MASP2: variants seen among roughly 807,000 people sequenced by gnomAD.
MASP2 encodes the protein MBL associated serine protease 2, also known as mannan-binding lectin serine protease 2.
MASP2 carries 49 observed loss-of-function variants against 57.1 expected under a neutral mutation model. That is an observed-to-expected ratio of 0.86 (90% CI 0.68 to 1.09). MASP2 has a LOEUF of 1.09. MASP2 is among the 50% of genes least tolerant of loss of function. The probability of loss-of-function intolerance (pLI) is 0.00; values close to 1 mark genes in which losing one functional copy is unlikely to be tolerated. For synonymous variants in MASP2, 379 were observed against 340.8 expected, an observed-to-expected ratio of 1.11 and a Z score of -1.24; for missense variants, 900 against 874.8, an observed-to-expected ratio of 1.03 and a Z score of -0.36.
In MASP2 at chr1:11,026,811, C is replaced by T. The variant is rs906262594; in HGVS notation, c.*74G>A. On this transcript the variant is annotated 3_prime_UTR_variant, in exon 11 of 11. Coordinates refer to ENST00000400897, the MANE Select transcript of MASP2 (RefSeq NM_006610.4). ...ATGTCCACAGTAATGATGAATGCTT[C>T]TCGAGCCACGTCGCTGCCAAGGTCT... The T allele has an allele frequency of 3.8e-6, 5 of 1,320,882 alleles. No homozygotes were observed. The highest frequency in any genetic ancestry group is 5.1e-6 in the Non-Finnish European group (5 of 987,220). 81.8% of individuals were successfully genotyped at this position (1,320,882 alleles called of 1,614,324 possible). A position where few individuals can be genotyped will look rare whatever the true frequency, so the allele number is the denominator to read the frequency against.
intron 8 of MASP2, among the ~76,000 whole-genome samples, chr1:11,033,558 T>C (rs900956378): frequency 6.6e-6 from 1 of 151,490 alleles, no homozygotes; most frequent in Non-Finnish European, 1.5e-5. Flanking sequence ...GGCAGGAGAA[T>C]TGCTTGAACT....
At position 11,026,612 on chromosome 1, in the gene MASP2, G is replaced by A; in HGVS notation, c.*273C>T. 3.5e-6 allele frequency: 1 copy of A among 286,732 alleles called. No individual in the cohort carries two copies. Among genetic ancestry groups the A allele is most frequent in the Admixed American group, 5.2e-5 (1 of 19,410 alleles). The allele number at this position is 286,732 out of a possible 1,614,324, so 17.8% of individuals were successfully genotyped here. A position where few individuals can be genotyped will look rare whatever the true frequency, so the allele number is the denominator to read the frequency against. On this transcript the variant is annotated 3_prime_UTR_variant, in exon 11 of 11. Coordinates refer to ENST00000400897, the MANE Select transcript of MASP2 (RefSeq NM_006610.4). ...GTATGAAAAGAGACTGGCTTTTTAA[G>A]GTAATGAAATGTAATTTGAGCAGTG...
chr1:11,035,912 A>G (rs1252287475), intron 7 of MASP2, among the ~76,000 whole-genome samples: 1 of 145,720 alleles, frequency 6.9e-6, no homozygotes, highest in Non-Finnish European at 1.5e-5. Flanking sequence ...AAAAAAAAAA[A>G]AAAAGCCAGA....
In MASP2 at chr1:11,046,304, C is replaced by T. The variant is rs537199130; in HGVS notation, c.412+252G>A. The T allele has an allele frequency of 1.4e-4, 78 of 556,710 alleles. No individual in the cohort carries two copies. The East Asian group carries it at 2.1e-3, about 15-fold the overall frequency. 34.5% of individuals were successfully genotyped at this position (556,710 alleles called of 1,614,324 possible). ...CTGGAATTACAGGCGTGAGCTGCTG[C>T]GCCCGGCCAGTCCCTGCGTCACTTG... On this transcript the variant is annotated intron_variant, in intron 3 of 10. Coordinates refer to ENST00000400897, the MANE Select transcript of MASP2 (RefSeq NM_006610.4).
At chr1:11,035,608 C>T (rs973545321) in intron 7 of MASP2, among the ~76,000 whole-genome samples, 14 of 151,222 alleles carry the variant, frequency 9.3e-5, no homozygotes, top group African/African-American at 3.4e-4. Flanking sequence ...TATAAAGTGA[C>T]AGAGGACCAG....
intron 8 of MASP2, among the ~76,000 whole-genome samples, chr1:11,034,275 A>G (rs1643872988): frequency 6.6e-6 from 1 of 151,494 alleles, no homozygotes; most frequent in African/African-American, 2.4e-5. Flanking sequence ...TTGTCAAAGA[A>G]CATATTTTTC....
chr1:11,041,854 A>T, intron 6 of MASP2, among the ~76,000 whole-genome samples: 1 of 141,928 alleles, frequency 7.0e-6, no homozygotes, highest in African/African-American at 2.7e-5. Context: ...GGATGGGTTG[A>T]TAGAAGGATG....
rs183487544 is a variant in MASP2, at chr1:11,046,885, C to T, written c.234+6G>A. 1.2e-4 allele frequency: 182 copies of T among 1,561,844 alleles called. 1 individual carries two copies. Among genetic ancestry groups the T allele is most frequent in the East Asian group, 9.3e-4 (39 of 42,134 alleles). On this transcript the variant is annotated splice_donor_region_variant and intron_variant, in intron 2 of 10. Coordinates refer to ENST00000400897, the MANE Select transcript of MASP2 (RefSeq NM_006610.4). Reference sequence around the variant, plus strand: ...AGAAACCCCAGCCCTCCCGTCCTGACGGCACCTTGACGAAGTCGTACTCGC... The same window carrying T: ...AGAAACCCCAGCCCTCCCGTCCTGATGGCACCTTGACGAAGTCGTACTCGC...
intron 6 of MASP2, 118 bp downstream of exon 6, chr1:11,042,757 C>T: frequency 1.1e-5 from 13 of 1,188,078 alleles, no homozygotes; most frequent in Non-Finnish European, 1.3e-5. Flanking sequence ...CACCACTAAA[C>T]CTGGTGTCCC....
chr1:11,033,432 C>G (rs1643867197), intron 8 of MASP2, among the ~76,000 whole-genome samples: 1 of 152,006 alleles, frequency 6.6e-6, no homozygotes, highest in Non-Finnish European at 1.5e-5. Context: ...GTTGCCTGAG[C>G]TCAGGAGTTC....
chr1:11,046,972 T>G lies in MASP2; in HGVS notation c.153A>C (p.Ala51=), dbSNP rs772284806. The G allele has an allele frequency of 6.4e-7, 1 of 1,559,928 alleles. No homozygotes were observed. The highest frequency in any genetic ancestry group is 8.7e-7 in the Non-Finnish European group (1 of 1,151,994). Residue 51 remains alanine (A), a synonymous_variant, in exon 2 of 11, where the codon GCA becomes GCC. Coordinates refer to ENST00000400897, the MANE Select transcript of MASP2 (RefSeq NM_006610.4). ...NDQERRWTLT[A]PPGYRLRLYF... is the part of the protein sequence containing the mutation. Reference sequence around the variant, plus strand: ...AGAGGCGCAGGCGGTAGCCGGGGGGTGCAGTCAGGGTCCAGCGCCGCTCCT... The same window carrying G: ...AGAGGCGCAGGCGGTAGCCGGGGGGGGCAGTCAGGGTCCAGCGCCGCTCCT...
chr1:11,030,434 G>A (rs539712502), intron 9 of MASP2, 184 bp from the exon 10 acceptor site: 2 of 592,608 alleles, frequency 3.4e-6, no homozygotes, highest in African/African-American at 1.9e-5. Context: ...CTTGCAAAGT[G>A]GAAACCTTTT....
At chr1:11,034,782 G>C in intron 8 of MASP2, 46 bp downstream of exon 8, 1 of 1,274,610 alleles carries the variant, frequency 7.8e-7, no homozygotes, top group Non-Finnish European at 1.1e-6. Flanking sequence ...AGCAGCAGAG[G>C]GAGTTCCGGG....
At position 11,043,408 on chromosome 1, in the gene MASP2, A is replaced by G; in HGVS notation, c.672T>C (p.Ile224=). The change falls in exon 5 of 11, where the codon ATT becomes ATC. Residue 224 remains isoleucine, a synonymous_variant. Transcript: ENST00000400897. The part of the protein sequence containing the change: ...SISLEEGFSV[I]LDFVESFDVE... Reference sequence around the variant, plus strand: ...CATCGAAGGACTCCACAAAGTCCAGAATGACACTGAACCCCTCCTCCAGGC... The same window carrying G: ...CATCGAAGGACTCCACAAAGTCCAGGATGACACTGAACCCCTCCTCCAGGC... 1.9e-6 allele frequency: 3 copies of G among 1,610,838 alleles called. No individual in the cohort carries two copies. The highest frequency in any genetic ancestry group is 2.5e-6 in the Non-Finnish European group (3 of 1,178,944).
rs772929485 is a variant in MASP2, at chr1:11,030,213, GC to G, written c.1259del (p.Ser420ThrfsTer42). On this transcript the variant is annotated frameshift_variant, in exon 10 of 11. Coordinates refer to ENST00000400897, the MANE Select transcript of MASP2 (RefSeq NM_006610.4). LOFTEE classifies it low-confidence loss of function (END_TRUNC). ...YVCEADGFWT[S>X]SKGEKSLPVC... ...CTGGGAGTGATTTTTCTCCTTTGGAGCTCGTCCAGAATCCATCAGCCTCACA... is the reference window on the plus strand; with the variant it reads ...CTGGGAGTGATTTTTCTCCTTTGGAGTCGTCCAGAATCCATCAGCCTCACA... The G allele has an allele frequency of 2.8e-5, 45 of 1,613,552 alleles. No homozygotes were observed. The highest frequency in any genetic ancestry group is 3.3e-4 in the Middle Eastern group (2 of 6,056).
chr1:11,040,170 C>A (rs142765573), intron 6 of MASP2, among the ~76,000 whole-genome samples: 1 of 150,660 alleles, frequency 6.6e-6, no homozygotes, highest in African/African-American at 2.4e-5. Flanking sequence ...GGTAGATGTA[C>A]AGAAGGATGG....
intron 6 of MASP2, among the ~76,000 whole-genome samples, chr1:11,039,684 T>A (rs947059948): frequency 6.8e-6 from 1 of 147,318 alleles, no homozygotes; most frequent in Non-Finnish European, 1.5e-5. Flanking sequence ...GATGGAAGAA[T>A]AGGATTGGTA....
intron 4 of MASP2, chr1:11,045,129 C>A: frequency 1.3e-6 from 1 of 745,154 alleles, no homozygotes; most frequent in Non-Finnish European, 2.3e-6. Flanking sequence ...ACCCCCGACT[C>A]TCCCGTGGCT....
At chr1:11,036,057 C>T (rs1240520938) in intron 7 of MASP2, among the ~76,000 whole-genome samples, 1 of 152,162 alleles carries the variant, frequency 6.6e-6, no homozygotes, top group Non-Finnish European at 1.5e-5. Flanking sequence ...GTGTGCTGTC[C>T]ATCAGCTTTC....
Sources: allele counts gnomAD v4.1 joint callset (sites outside exome capture counted in the v4.1 genomes callset), GRCh38; gene constraint gnomAD v4.1.1; transcripts MANE v1.5; gene names NCBI Gene and HGNC (gene_info 2026-07-23, HGNC 2026-07-21).